The following EDIL3 variants were observed in gnomAD, a reference collection of about 807,000 sequenced individuals.
EDIL3 encodes the protein EGF-like repeat and discoidin I-like domain-containing protein 3.
In EDIL3, 37 loss-of-function variants were observed where a neutral mutation model predicts 67.4. The observed-to-expected ratio is 0.55, with a 90% CI of 0.42 to 0.72. The LOEUF (loss-of-function observed/expected upper bound fraction) is 0.72, where lower values mean the gene tolerates loss of function less well. EDIL3 is among the 30% of genes least tolerant of loss of function. The pLI is 0.00. For missense variants in EDIL3, 527 were observed against 586.3 expected, an observed-to-expected ratio of 0.90 and a Z score of 1.04; for synonymous variants, 195 against 196.3, an observed-to-expected ratio of 0.99 and a Z score of 0.05.
intron 9 of EDIL3, among the ~76,000 whole-genome samples, chr5:84,054,370 C>T (rs1012164781): frequency 3.9e-5 from 6 of 152,150 alleles, no homozygotes; most frequent in African/African-American, 1.4e-4. Flanking sequence ...TGGGCAAAAA[C>T]TGGAAGCATT....
chr5:83,990,543 A>T (rs1004235909), intron 9 of EDIL3, among the ~76,000 whole-genome samples: 3 of 151,778 alleles, frequency 2.0e-5, no homozygotes, highest in African/African-American at 7.3e-5. Context: ...AGTGGAAGTC[A>T]GAAAGAAGAC....
chr5:83,981,994 T>C (rs937115316), intron 9 of EDIL3, among the ~76,000 whole-genome samples: 3 of 152,044 alleles, frequency 2.0e-5, no homozygotes, highest in Non-Finnish European at 4.4e-5. Flanking sequence ...ATAACAAAAT[T>C]AGGTTTTCCA....
Position 84,005,802 on chromosome 5 carries a change from A to G in EDIL3, c.1138-42442T>C, listed in dbSNP as rs553454206. On this transcript the variant is annotated intron_variant, in intron 9 of 10. Transcript: ENST00000296591. ...CACTCTCACCTATTGAATTCAACATATTATTGGAAGTCCTAGCCAGAGCAA... is the reference window on the plus strand; with the variant it reads ...CACTCTCACCTATTGAATTCAACATGTTATTGGAAGTCCTAGCCAGAGCAA... Among the ~76,000 whole-genome samples, 18 of 152,206 alleles carry G rather than the reference A, an allele frequency of 1.2e-4. No individual in the cohort carries two copies. The South Asian group carries it at 3.7e-3, about 32-fold the overall frequency.
intron 1 of EDIL3, among the ~76,000 whole-genome samples, chr5:84,270,969 G>T (rs1273708222): frequency 6.6e-6 from 1 of 152,086 alleles, no homozygotes; most frequent in Non-Finnish European, 1.5e-5. Flanking sequence ...GCTCCTACTG[G>T]ATTCAAAGTG....
chr5:84,381,404 G>C (rs1376613780), intron 1 of EDIL3, among the ~76,000 whole-genome samples: 1 of 151,824 alleles, frequency 6.6e-6, no homozygotes, highest in Non-Finnish European at 1.5e-5. Context: ...TTATTTTTAA[G>C]GTATAAAATT....
intron 1 of EDIL3, among the ~76,000 whole-genome samples, chr5:84,321,911 G>A (rs753367900): frequency 1.3e-5 from 2 of 152,024 alleles, no homozygotes; most frequent in Admixed American, 6.6e-5. Context: ...ACAGGACATT[G>A]AAAAGCAATT....
intron 4 of EDIL3, among the ~76,000 whole-genome samples, chr5:84,159,097 T>C (rs999463737): frequency 2.6e-5 from 4 of 152,070 alleles, no homozygotes; most frequent in Non-Finnish European, 5.9e-5. Flanking sequence ...CACAACCAAG[T>C]GGAAACGTTT....
At chr5:84,298,795 C>T (rs964944499) in intron 1 of EDIL3, among the ~76,000 whole-genome samples, 10 of 152,142 alleles carry the variant, frequency 6.6e-5, no homozygotes, top group Non-Finnish European at 1.5e-4. Flanking sequence ...ATTGACTTCT[C>T]CATTCTTGAC....
intron 1 of EDIL3, among the ~76,000 whole-genome samples, chr5:84,330,527 C>T (rs956913342): frequency 2.9e-4 from 44 of 152,298 alleles, no homozygotes; most frequent in African/African-American, 1.0e-3. Flanking sequence ...GATGGTTTCT[C>T]ATACTCAGCT....
chr5:84,278,349 A>T (rs1554039868), intron 1 of EDIL3, among the ~76,000 whole-genome samples: 3 of 151,680 alleles, frequency 2.0e-5, no homozygotes, highest in Non-Finnish European at 4.4e-5. Flanking sequence ...CATAGAGAGA[A>T]TTTTTTTTTG....
At chr5:84,076,054 A>G (rs1746850979) in intron 6 of EDIL3, among the ~76,000 whole-genome samples, 1 of 151,134 alleles carries the variant, frequency 6.6e-6, no homozygotes, top group Non-Finnish European at 1.5e-5. Context: ...CAGGTTAAAT[A>G]TTACCATTAA....
intron 1 of EDIL3, among the ~76,000 whole-genome samples, chr5:84,375,637 A>G (rs546581116): frequency 6.6e-6 from 1 of 152,342 alleles, no homozygotes; most frequent in East Asian, 1.9e-4. Context: ...ATGCTTCTAC[A>G]CATCACATTG....
chr5:84,037,306 G>A (rs1472474666), intron 9 of EDIL3, among the ~76,000 whole-genome samples: 1 of 152,124 alleles, frequency 6.6e-6, no homozygotes, highest in Admixed American at 6.6e-5. Context: ...TAATGCTATT[G>A]CTGATCTCCC....
intron 3 of EDIL3, among the ~76,000 whole-genome samples, chr5:84,206,982 G>C (rs539428493): frequency 2.0e-5 from 3 of 152,228 alleles, no homozygotes; most frequent in South Asian, 2.1e-4. Flanking sequence ...TTGAAAACTG[G>C]CACAAGACAG....
In EDIL3 at chr5:84,220,931, A is replaced by G; in HGVS notation, c.226+8924T>C. 1.7e-5 allele frequency among the ~76,000 whole-genome samples: 2 copies of G among 114,466 alleles called. 1 individual carries two copies. The highest frequency in any genetic ancestry group is 6.8e-5 in the African/African-American group (2 of 29,458). The allele number at this position is 114,466 out of a possible 152,430, so 75.1% of individuals were successfully genotyped here. On this transcript the variant is annotated intron_variant, in intron 3 of 10. Transcript: ENST00000296591. ...GAAACCAGTGTTAATACTAAGATAAATTTTCGCCACAGAAGATAGAACAGA... is the reference window on the plus strand; with the variant it reads ...GAAACCAGTGTTAATACTAAGATAAGTTTTCGCCACAGAAGATAGAACAGA...
At chr5:84,069,322 T>G (rs1746694494) in intron 6 of EDIL3, among the ~76,000 whole-genome samples, 1 of 152,148 alleles carries the variant, frequency 6.6e-6, no homozygotes, top group Non-Finnish European at 1.5e-5. Context: ...TTAGAACATA[T>G]GCTAAGGGTA....
intron 3 of EDIL3, among the ~76,000 whole-genome samples, chr5:84,215,342 C>T (rs1176947242): frequency 6.6e-6 from 1 of 151,978 alleles, no homozygotes; most frequent in African/African-American, 2.4e-5. Flanking sequence ...CAAGATCCAC[C>T]TCCCGGGTTC....
At position 83,942,858 on chromosome 5, in the gene EDIL3, A is replaced by G. The variant is rs1315215760; in HGVS notation, c.*561T>C. The G allele has an allele frequency of 2.0e-5, 3 of 152,706 alleles. No homozygotes were observed. The highest frequency in any genetic ancestry group is 4.4e-5 in the Non-Finnish European group (3 of 68,140). 9.5% of individuals were successfully genotyped at this position (152,706 alleles called of 1,614,324 possible). On this transcript the variant is annotated 3_prime_UTR_variant, in exon 11 of 11. Coordinates refer to ENST00000296591, the MANE Select transcript of EDIL3 (RefSeq NM_005711.5). ...ACATAATCTCTTATTAGAAATAATG[A>G]AAGTAAAATGAGAATTATAATATCA...
intron 8 of EDIL3, among the ~76,000 whole-genome samples, chr5:84,061,398 T>C (rs1226965564): frequency 6.6e-6 from 1 of 152,136 alleles, no homozygotes; most frequent in Non-Finnish European, 1.5e-5. Context: ...AAATGCTCTT[T>C]ACAATTTTTG....
Sources: allele counts gnomAD v4.1 joint callset (sites outside exome capture counted in the v4.1 genomes callset), GRCh38; gene constraint gnomAD v4.1.1; transcripts MANE v1.5; gene names NCBI Gene and HGNC (gene_info 2026-07-23, HGNC 2026-07-21).